NGEF: variants seen among roughly 807,000 people sequenced by gnomAD.
The protein encoded by NGEF is ephexin-1.
A neutral mutation model predicts 80.9 loss-of-function variants in NGEF; 31 were observed. The observed-to-expected ratio is 0.38, with a 90% confidence interval of 0.29 to 0.52. The LOEUF (loss-of-function observed/expected upper bound fraction) is 0.52. NGEF is among the 20% of genes least tolerant of loss of function. The pLI, the probability that NGEF is intolerant of heterozygous loss-of-function variation, is 0.84. For synonymous variants in NGEF, 371 were observed against 370.2 expected, an observed-to-expected ratio of 1.00 and a Z score of -0.03; for missense variants, 709 against 926.2, an observed-to-expected ratio of 0.77 and a Z score of 3.04.
rs183134755 is a variant in NGEF at position 232,889,150 on chromosome 2, C to T, written c.1273-1043G>A. Reference sequence around the variant, plus strand: ...ACAGCCACCTTCCTGCTTTTTCCATCCTGTATGTGGCCACCATGCCTGTCA... The same window carrying T: ...ACAGCCACCTTCCTGCTTTTTCCATTCTGTATGTGGCCACCATGCCTGTCA... On this transcript the variant is annotated intron_variant, in intron 8 of 14. Coordinates refer to ENST00000264051, the MANE Select transcript of NGEF (RefSeq NM_019850.3). 1.4e-4 allele frequency among the ~76,000 whole-genome samples: 21 copies of T among 152,330 alleles called. No individual in the cohort carries two copies. In the East Asian group the frequency reaches 2.5e-3, roughly 18 times the overall value.
At chr2:232,993,427 G>A (rs1248595250) in intron 1 of NGEF, among the ~76,000 whole-genome samples, 1 of 151,826 alleles carries the variant, frequency 6.6e-6, no homozygotes, top group Non-Finnish European at 1.5e-5. Context: ...AATAAGTGCT[G>A]ATGAGGATGT....
chr2:232,899,083 ATG>A (rs749763171), intron 5 of NGEF, among the ~76,000 whole-genome samples: 2 of 151,612 alleles, frequency 1.3e-5, no homozygotes, highest in South Asian at 2.1e-4. Context: ...TTGTGTGTGA[ATG>A]TGTAAATGAG....
chr2:232,884,261 G>A, intron 10 of NGEF, 117 bp from the exon 11 acceptor site: 1 of 1,209,534 alleles, frequency 8.3e-7, no homozygotes, highest in Non-Finnish European at 1.1e-6. Context: ...CGACACATGA[G>A]GCACAAGTTG....
At chr2:232,954,374 C>T (rs1255371217) in intron 3 of NGEF, among the ~76,000 whole-genome samples, 1 of 152,058 alleles carries the variant, frequency 6.6e-6, no homozygotes, top group Admixed American at 6.6e-5. Flanking sequence ...GATAAGTTGC[C>T]AGAAAATGAC....
chr2:232,885,648 C>G (rs1303743758), intron 9 of NGEF: 9 of 444,002 alleles, frequency 2.0e-5, no homozygotes. Context: ...TGAGGCATCC[C>G]TCCTCCTCTG....
intron 3 of NGEF, among the ~76,000 whole-genome samples, chr2:232,966,127 C>T (rs11678345): frequency 0.2 from 30,314 of 152,102 alleles, 3,608 homozygotes; most frequent in East Asian, 0.4. Context: ...CAGGTGCAGA[C>T]CCTGCCACAG....
chr2:232,997,284 G>A (rs750120314), intron 1 of NGEF, among the ~76,000 whole-genome samples: 1 of 152,194 alleles, frequency 6.6e-6, no homozygotes, highest in Non-Finnish European at 1.5e-5. Flanking sequence ...GGTACACACC[G>A]TGAGAATTCT....
chr2:232,963,682 C>T (rs966855587), intron 3 of NGEF, among the ~76,000 whole-genome samples: 115 of 152,114 alleles, frequency 7.6e-4, no homozygotes, highest in African/African-American at 2.6e-3. Flanking sequence ...GGCGTGGTGG[C>T]AGGAGTCTGT....
At chr2:233,000,495 TAATGCC>T (rs1366127594) in intron 1 of NGEF, among the ~76,000 whole-genome samples, 2 of 151,120 alleles carry the variant, frequency 1.3e-5, no homozygotes, top group African/African-American at 4.9e-5. Context: ...CTCACGCCTG[TAATGCC>T]AATCCCAGCA....
intron 1 of NGEF, among the ~76,000 whole-genome samples, chr2:232,993,972 G>A (rs1694726011): frequency 6.6e-6 from 1 of 152,144 alleles, no homozygotes; most frequent in Non-Finnish European, 1.5e-5. Context: ...TTTTGGGAAG[G>A]TGAGAAAATG....
At chr2:232,926,761 G>T (rs567042591) in intron 4 of NGEF, among the ~76,000 whole-genome samples, 2 of 152,270 alleles carry the variant, frequency 1.3e-5, no homozygotes, top group African/African-American at 4.8e-5. Flanking sequence ...AAGTGATAAG[G>T]GGTCAGAGAG....
chr2:232,971,466 C>T (rs1278841826), intron 2 of NGEF, among the ~76,000 whole-genome samples: 1 of 152,150 alleles, frequency 6.6e-6, no homozygotes, highest in African/African-American at 2.4e-5. Context: ...GGGCGGATCA[C>T]TTGAGGTCAG....
intron 1 of NGEF, among the ~76,000 whole-genome samples, chr2:233,007,439 T>C (rs1247510974): frequency 6.6e-6 from 1 of 152,142 alleles, no homozygotes; most frequent in African/African-American, 2.4e-5. Context: ...CTCAGGCTGA[T>C]CGTGGGTCTC....
chr2:232,963,943 T>TA (rs1275821337), intron 3 of NGEF, among the ~76,000 whole-genome samples: 1 of 152,148 alleles, frequency 6.6e-6, no homozygotes, highest in Non-Finnish European at 1.5e-5. Context: ...AAAAAATGGT[T>TA]AGGCATCTTA....
rs573727448 is a variant in NGEF at position 232,881,319 on chromosome 2, G to A, written c.1838-69C>T. The A allele has an allele frequency of 6.1e-5, 76 of 1,235,818 alleles. 1 individual carries two copies. In the African/African-American group the frequency reaches 8.8e-4, roughly 14 times the overall value. 76.6% of individuals were successfully genotyped at this position (1,235,818 alleles called of 1,614,324 possible). ...CCACCTGCACACTCCCACCAAGCCC[G>A]CAGCTGAGCCCTGCCTAGAATAGGA... is the stretch of plus-strand genomic sequence containing the variant. On this transcript the variant is annotated intron_variant, in intron 13 of 14. Coordinates refer to ENST00000264051, the MANE Select transcript of NGEF (RefSeq NM_019850.3).
At chr2:232,922,714 T>C (rs965927267) in intron 4 of NGEF, among the ~76,000 whole-genome samples, 7 of 152,250 alleles carry the variant, frequency 4.6e-5, no homozygotes, top group Non-Finnish European at 7.3e-5. Flanking sequence ...CACTTTTCAA[T>C]GCATAGTGCA....
At chr2:232,883,767 C>T (rs1016120513) in intron 11 of NGEF, among the ~76,000 whole-genome samples, 4 of 152,208 alleles carry the variant, frequency 2.6e-5, no homozygotes, top group African/African-American at 9.6e-5. Flanking sequence ...ACGAGTAAAA[C>T]CCCCACTTTA....
chr2:232,891,293 G>C, intron 8 of NGEF, 65 bp downstream of exon 8: 1 of 1,594,298 alleles, frequency 6.3e-7, no homozygotes, highest in African/African-American at 1.3e-5. Context: ...AGCTGACAGG[G>C]CCCGGGAATG....
At chr2:232,937,575 C>A (rs1693353528) in intron 3 of NGEF, among the ~76,000 whole-genome samples, 1 of 152,190 alleles carries the variant, frequency 6.6e-6, no homozygotes, top group African/African-American at 2.4e-5. Flanking sequence ...TCCCAGTGAA[C>A]CTGAGCTTTT....
Sources: allele counts gnomAD v4.1 joint callset (sites outside exome capture counted in the v4.1 genomes callset), GRCh38; gene constraint gnomAD v4.1.1; transcripts MANE v1.5; gene names NCBI Gene and HGNC (gene_info 2026-07-23, HGNC 2026-07-21).